CHD1: variants seen among roughly 807,000 people sequenced by gnomAD.
The protein encoded by CHD1 is ATP-dependent chromatin remodeler CHD1.
Under a neutral mutation model 224.2 loss-of-function variants are expected in CHD1, and 36 were observed. The observed-to-expected ratio is 0.16, with a 90% CI of 0.12 to 0.21. CHD1 has a LOEUF of 0.21. Ranked by LOEUF, CHD1 falls within the 10% of genes least tolerant of loss-of-function variation. CHD1 has a pLI of 1.00. For synonymous variants in CHD1, 668 were observed against 658.3 expected (o/e 1.01, Z -0.23); for missense variants, 1,378 against 1,994.8 (o/e 0.69, Z 5.89).
At chr5:98,913,621 T>C (rs944521771) in intron 2 of CHD1, among the ~76,000 whole-genome samples, 2 of 152,234 alleles carry the variant, frequency 1.3e-5, no homozygotes, top group Admixed American at 6.5e-5. Flanking sequence ...CCCTTTCTTC[T>C]CCTTCTAGTT....
At chr5:98,881,213 T>G (rs780838418) in intron 21 of CHD1, 42 bp from the exon 22 acceptor site, 11 of 1,439,280 alleles carry the variant, frequency 7.6e-6, no homozygotes, top group Non-Finnish European at 1.0e-5. Flanking sequence ...TTGAATCCTT[T>G]CATCCTGTCA....
chr5:98,863,366 T>A, intron 32 of CHD1, 42 bp downstream of exon 32: 2 of 1,163,204 alleles, frequency 1.7e-6, no homozygotes, highest in Non-Finnish European at 2.3e-6. Context: ...AAGACAGTTA[T>A]ATAATATAAA....
At chr5:98,911,146 A>ATATATATATATATATATATATATAT (rs1554081078) in intron 2 of CHD1, among the ~76,000 whole-genome samples, 2 of 39,132 alleles carry the variant, frequency 5.1e-5, no homozygotes, top group African/African-American at 1.2e-4. Context: ...AAAAAAAAAA[A>ATATATATATATATATATATATATAT]ATATATATAT....
chr5:98,918,018 C>CT (rs977573634), intron 2 of CHD1, among the ~76,000 whole-genome samples: 2 of 151,676 alleles, frequency 1.3e-5, no homozygotes, highest in South Asian at 2.1e-4. Context: ...GCTATGCTTC[C>CT]TTTTTTTTCC....
chr5:98,922,654 A>G (rs1468003842), intron 2 of CHD1, among the ~76,000 whole-genome samples: 3 of 152,246 alleles, frequency 2.0e-5, no homozygotes, highest in Non-Finnish European at 4.4e-5. Context: ...AGCTACTTAC[A>G]ATGAATATCA....
chr5:98,908,695 T>C (rs947847094), intron 2 of CHD1, among the ~76,000 whole-genome samples: 103 of 152,274 alleles, frequency 6.8e-4, no homozygotes, highest in Middle Eastern at 3.4e-3. Context: ...TGTACAACAC[T>C]TGAATTATCC....
At chr5:98,905,991 A>G (rs1303070824) in intron 2 of CHD1, among the ~76,000 whole-genome samples, 4 of 152,200 alleles carry the variant, frequency 2.6e-5, no homozygotes, top group Admixed American at 2.6e-4. Flanking sequence ...CACAGGTAAT[A>G]CAGTTTACAG....
chr5:98,921,801 C>T (rs1753113913), intron 2 of CHD1, among the ~76,000 whole-genome samples: 1 of 152,146 alleles, frequency 6.6e-6, no homozygotes, highest in African/African-American at 2.4e-5. Context: ...CCATTCTGAT[C>T]TTTAACCATA....
rs529782257 is a variant in CHD1, at chr5:98,922,976, A to G, written c.53+3358T>C. Among the ~76,000 whole-genome samples the G allele has an allele frequency of 5.9e-5, 9 of 151,314 alleles. No homozygotes were observed. The East Asian group carries it at 1.7e-3, about 29-fold the overall frequency. On this transcript the variant is annotated intron_variant, in intron 2 of 35. Coordinates refer to ENST00000614616, the MANE Select transcript of CHD1 (RefSeq NM_001270.4). ...TGCACTGCAGCCTGGGCGACAGAGC[A>G]AGACTCTGGCTCAAAAAAAAGAAAA...
intron 5 of CHD1, among the ~76,000 whole-genome samples, chr5:98,902,667 T>C (rs1751795886): frequency 6.6e-6 from 1 of 151,974 alleles, no homozygotes; most frequent in East Asian, 1.9e-4. Context: ...TAAAAATATA[T>C]AGGGGGAGTT....
In CHD1 at chr5:98,926,583, G is replaced by A. The variant is rs1328534069; in HGVS notation, c.-148-49C>T. The A allele has an allele frequency of 2.4e-5, 9 of 377,440 alleles. No homozygotes were observed. In the East Asian group the frequency reaches 4.0e-4, roughly 17 times the overall value. 23.4% of individuals were successfully genotyped at this position (377,440 alleles called of 1,614,324 possible). A position where few individuals can be genotyped will look rare whatever the true frequency, so the allele number is the denominator to read the frequency against. ...TAACAAAATTTCCTGCAGAAAAAAG[G>A]TAAATTAAGCCCTGTCTAAAACGTA... On this transcript the variant is annotated intron_variant, in intron 1 of 35. Coordinates refer to ENST00000614616, the MANE Select transcript of CHD1 (RefSeq NM_001270.4).
chr5:98,875,168 A>T, intron 24 of CHD1, 55 bp from the exon 25 acceptor site: 1 of 967,242 alleles, frequency 1.0e-6, no homozygotes, highest in Non-Finnish European at 1.6e-6. Flanking sequence ...CTAAAATTAT[A>T]CGTATTTCTG....
intron 23 of CHD1, 47 bp downstream of exon 23, chr5:98,879,505 T>C (rs774042936): frequency 5.2e-6 from 8 of 1,530,636 alleles, no homozygotes; most frequent in African/African-American, 2.8e-5. Flanking sequence ...TCAGCCCAGG[T>C]TGAATACTCT....
rs1747906647 is a variant in CHD1 at position 98,854,890 on chromosome 5, T to C, written c.*1490A>G. On this transcript the variant is annotated 3_prime_UTR_variant, in exon 36 of 36. Coordinates refer to ENST00000614616, the MANE Select transcript of CHD1 (RefSeq NM_001270.4). ...CATGCAAGAATGTGTGCCACATGACTTAAAAACTTCCCGCTGAATATAAAA... is the reference window on the plus strand; with the variant it reads ...CATGCAAGAATGTGTGCCACATGACCTAAAAACTTCCCGCTGAATATAAAA... The C allele has an allele frequency of 6.6e-6, 1 of 152,138 alleles. No homozygotes were observed. The highest frequency in any genetic ancestry group is 1.5e-5 in the Non-Finnish European group (1 of 68,002). The allele number at this position is 152,138 out of a possible 1,614,324, so 9.4% of individuals were successfully genotyped here.
rs1487713532 is a variant in CHD1, at chr5:98,858,986, A to T, written c.4554T>A (p.Asn1518Lys). The change falls in exon 34 of 36, where the codon AAT becomes AAA. Residue 1518 changes from asparagine to lysine, a missense_variant. Around this residue, in one of 16 missense-constraint regions of CHD1, gnomAD observed 278 missense variants for 298.5 expected, o/e 0.93. Coordinates refer to ENST00000614616, the MANE Select transcript of CHD1 (RefSeq NM_001270.4). ...QQNSDQNSNLNPHVIRNPDVE... is the reference protein window; with the variant it reads ...QQNSDQNSNLKPHVIRNPDVE... ...TACCTGGATTTCTAATCACGTGAGGATTCAAGTTGCTGTTTTGATCACTGT... is the reference window on the plus strand; with the variant it reads ...TACCTGGATTTCTAATCACGTGAGGTTTCAAGTTGCTGTTTTGATCACTGT... 2.6e-6 allele frequency: 4 copies of T among 1,563,388 alleles called. No individual in the cohort carries two copies. Among genetic ancestry groups the T allele is most frequent in the Non-Finnish European group, 3.4e-6 (4 of 1,162,274 alleles).
chr5:98,860,337 T>C (rs1163857006), intron 32 of CHD1: 4 of 371,108 alleles, frequency 1.1e-5, no homozygotes, highest in Middle Eastern at 6.9e-4. Context: ...CAATCCTAAT[T>C]TGAAATGCAC....
At chr5:98,903,016 C>G (rs1751821953) in intron 4 of CHD1, 52 bp from the exon 5 acceptor site, 3 of 1,130,426 alleles carry the variant, frequency 2.7e-6, no homozygotes, top group Non-Finnish European at 2.6e-6. Context: ...AGAATTTAAC[C>G]ATATTAAATT....
rs760071544 is a variant in CHD1, at chr5:98,900,835, C to G, written c.835G>C (p.Asp279His). 1 of 1,610,820 alleles carries G rather than the reference C, an allele frequency of 6.2e-7. No homozygotes were observed. The highest frequency in any genetic ancestry group is 1.1e-5 in the South Asian group (1 of 90,020). ...CCTCCTTTTCTCCCAATCCGACAAT[C>G]CATAAATCTTTCTATGGTTTCAAAT... is the stretch of plus-strand genomic sequence containing the variant. ...EEFETIERFM[D>H]CRIGRKGATG... Residue 279 changes from aspartate to histidine, a missense_variant, in exon 7 of 36, where the codon GAT becomes CAT. By Grantham distance (81) the Asp-to-His change is moderately conservative. Transcript: ENST00000614616.
At chr5:98,886,627 C>G (rs1750666923) in intron 17 of CHD1, among the ~76,000 whole-genome samples, 1 of 152,056 alleles carries the variant, frequency 6.6e-6, no homozygotes, top group South Asian at 2.1e-4. Flanking sequence ...AATTTTAACT[C>G]TGCGAAGAAA....
Sources: gnomAD v4.1 joint callset for allele counts (sites outside exome capture counted in the v4.1 genomes callset) on GRCh38, gnomAD v4.1.1 for gene constraint, gnomAD v4.1.1 regional missense constraint, MANE v1.5 for transcripts, NCBI Gene and HGNC (gene_info 2026-07-23, HGNC 2026-07-21) for gene names.